UBR1: variants seen among roughly 807,000 people sequenced by gnomAD.
UBR1 encodes E3 ubiquitin-protein ligase UBR1.
In UBR1, 102 loss-of-function variants were observed where a neutral mutation model predicts 242.1. That is an observed-to-expected ratio of 0.42 (90% CI 0.36 to 0.50). The LOEUF (loss-of-function observed/expected upper bound fraction) is 0.50. Among genes scored for constraint, UBR1 ranks in the 20% least tolerant of loss-of-function variants. The pLI is 0.01. For synonymous variants in UBR1, 675 were observed against 684.8 expected, an observed-to-expected ratio of 0.99 and a Z score of 0.22; for missense variants, 1,772 against 2,101.8, an observed-to-expected ratio of 0.84 and a Z score of 3.07.
chr15:43,100,075 C>A (rs2034211943), intron 1 of UBR1, among the ~76,000 whole-genome samples: 1 of 152,078 alleles, frequency 6.6e-6, no homozygotes, highest in African/African-American at 2.4e-5. Context: ...AGGGGTTTCA[C>A]CATGTTAGCC....
At chr15:43,026,751 G>T in intron 22 of UBR1, 88 bp from the exon 23 acceptor site, 2 of 1,165,852 alleles carry the variant, frequency 1.7e-6, no homozygotes, top group East Asian at 2.4e-5. Flanking sequence ...TAATCTAGAA[G>T]TCAAATATAC....
chr15:43,027,911 A>G, intron 21 of UBR1, 83 bp from the exon 22 acceptor site: 1 of 1,065,410 alleles, frequency 9.4e-7, no homozygotes, highest in Non-Finnish European at 1.4e-6. Context: ...TTTCTACTGC[A>G]TCTCTGAAGT....
At chr15:43,071,867 T>A (rs2033828329) in intron 4 of UBR1, among the ~76,000 whole-genome samples, 1 of 152,120 alleles carries the variant, frequency 6.6e-6, no homozygotes, top group African/African-American at 2.4e-5. Context: ...CACAACTACC[T>A]AGGTGGCCAT....
intron 32 of UBR1, among the ~76,000 whole-genome samples, chr15:43,001,674 G>C (rs1212867546): frequency 6.6e-6 from 1 of 152,078 alleles, no homozygotes; most frequent in Non-Finnish European, 1.5e-5. Flanking sequence ...TTTCCAAGAT[G>C]TTATACAAAA....
intron 30 of UBR1, among the ~76,000 whole-genome samples, chr15:43,005,985 G>A (rs2032820786): frequency 6.8e-6 from 1 of 147,772 alleles, no homozygotes; most frequent in Non-Finnish European, 1.5e-5. Flanking sequence ...AGGAAAACCA[G>A]AGACCCTTGT....
At chr15:43,042,237 C>T (rs2033428863) in intron 15 of UBR1, among the ~76,000 whole-genome samples, 1 of 152,130 alleles carries the variant, frequency 6.6e-6, no homozygotes, top group Non-Finnish European at 1.5e-5. Flanking sequence ...ACATCCATGT[C>T]ATAACAGCAC....
chr15:43,004,922 C>A (rs2032784901), intron 30 of UBR1, among the ~76,000 whole-genome samples: 1 of 151,612 alleles, frequency 6.6e-6, no homozygotes, highest in South Asian at 2.1e-4. Flanking sequence ...GCCATCCCGT[C>A]TAGGAAGTGA....
At chr15:43,017,225 T>C (rs983044149) in intron 27 of UBR1, 44 bp from the exon 28 acceptor site, 37 of 1,367,280 alleles carry the variant, frequency 2.7e-5, no homozygotes, top group Non-Finnish European at 4.1e-6. Flanking sequence ...GTTAGACTGT[T>C]AGACCGACCA....
At chr15:43,048,255 A>AGTCAATG in intron 13 of UBR1, 137 bp downstream of exon 13, 1 of 664,582 alleles carries the variant, frequency 1.5e-6, no homozygotes, top group African/African-American at 1.8e-5. Context: ...AGGATGAGTG[A>AGTCAATG]GTCAATGTTT....
intron 30 of UBR1, among the ~76,000 whole-genome samples, chr15:43,005,851 G>GTC (rs1439908310): frequency 6.7e-6 from 1 of 149,270 alleles, no homozygotes; most frequent in Non-Finnish European, 1.5e-5. Flanking sequence ...ATTAAGGGCG[G>GTC]GGCAAGATGT....
At chr15:43,034,550 A>G (rs2141315044) in intron 19 of UBR1, among the ~76,000 whole-genome samples, 1 of 152,270 alleles carries the variant, frequency 6.6e-6, no homozygotes, top group Admixed American at 6.5e-5. Context: ...GAGAGCTTAA[A>G]TAGGACTTTC....
intron 1 of UBR1, among the ~76,000 whole-genome samples, chr15:43,099,782 A>G (rs151239511): frequency 1.3e-5 from 2 of 152,324 alleles, no homozygotes; most frequent in Non-Finnish European, 2.9e-5. Flanking sequence ...AAAGACACAT[A>G]GTAAACAGGT....
intron 6 of UBR1, among the ~76,000 whole-genome samples, chr15:43,065,763 T>C (rs2033745189): frequency 6.6e-6 from 1 of 152,214 alleles, no homozygotes; most frequent in African/African-American, 2.4e-5. Flanking sequence ...GCTGCATGTA[T>C]GTCTTCTTTT....
chr15:42,946,995 A>G (rs2031747683), intron 46 of UBR1, among the ~76,000 whole-genome samples: 1 of 151,994 alleles, frequency 6.6e-6, no homozygotes, highest in Non-Finnish European at 1.5e-5. Context: ...TAAAAATACA[A>G]AAAAAATTAG....
At chr15:43,096,231 T>C (rs1053113102) in intron 1 of UBR1, among the ~76,000 whole-genome samples, 2 of 151,452 alleles carry the variant, frequency 1.3e-5, no homozygotes, top group East Asian at 1.9e-4. Context: ...TGGAGTGCAG[T>C]GGCACGATCT....
chr15:43,067,874 G>T lies in UBR1; in HGVS notation c.798+24C>A, dbSNP rs142795257. 2.7e-5 allele frequency: 44 copies of T among 1,613,708 alleles called. No homozygotes were observed. The Admixed American group carries it at 4.8e-4, about 18-fold the overall frequency. The stretch of plus-strand genomic sequence containing the variant: ...CAGGAAGCTGACAGAAAACAGAAAC[G>T]CAATTCAAAAGGAGACCACAAACCT... On this transcript the variant is annotated intron_variant, in intron 6 of 46. Transcript: ENST00000290650.
chr15:42,972,614 AC>A (rs1331272778), intron 39 of UBR1, among the ~76,000 whole-genome samples: 1 of 152,052 alleles, frequency 6.6e-6, no homozygotes, highest in Non-Finnish European at 1.5e-5. Flanking sequence ...CAGGTGATCC[AC>A]CCGTCTTGTC....
intron 1 of UBR1, chr15:43,092,218 A>G: frequency 3.4e-6 from 1 of 292,892 alleles, no homozygotes; most frequent in Non-Finnish European, 6.9e-6. Flanking sequence ...TTATCCCTCA[A>G]GGCCCAGCTC....
chr15:43,075,765 A>G (rs573791936), intron 3 of UBR1, among the ~76,000 whole-genome samples: 3,192 of 151,194 alleles, frequency 0.021, 130 homozygotes, highest in African/African-American at 0.074. Context: ...ACAGGCATGC[A>G]CCACCACGCC....
Sources: gnomAD v4.1 joint callset for allele counts (sites outside exome capture counted in the v4.1 genomes callset) on GRCh38, gnomAD v4.1.1 for gene constraint, MANE v1.5 for transcripts, NCBI Gene and HGNC (gene_info 2026-07-23, HGNC 2026-07-21) for gene names.